Variants in RANBP2 observed in about 807,000 individuals in gnomAD.
The protein encoded by RANBP2 is RAN binding protein 2, also known as E3 SUMO-protein ligase RanBP2.
RANBP2 carries 57 observed loss-of-function variants against 303.6 expected under a neutral mutation model. The ratio of observed to expected loss-of-function variants is 0.19; its 90% CI spans 0.15 to 0.23. The LOEUF (loss-of-function observed/expected upper bound fraction) is 0.23. Ranked by LOEUF, RANBP2 falls within the 10% of genes least tolerant of loss-of-function variation. The probability of loss-of-function intolerance (pLI) is 1.00; values close to 1 mark genes in which losing one functional copy is unlikely to be tolerated. For synonymous variants in RANBP2, 1,167 were observed against 1,301.5 expected (o/e 0.90, Z 2.23); for missense variants, 3,138 against 3,780.8 (o/e 0.83, Z 4.46).
chr2:108,961,131 C>A, the RANBP2 span, among the ~76,000 whole-genome samples: 2 of 152,212 alleles, frequency 1.3e-5, no homozygotes, highest in African/African-American at 4.8e-5. Context: ...GCAGACCCTG[C>A]AGAGTGGCCC....
the RANBP2 span, among the ~76,000 whole-genome samples, chr2:109,064,455 C>A: frequency 2.8e-3 from 183 of 65,904 alleles, no homozygotes; most frequent in South Asian, 5.9e-3. Context: ...GACTCTGTCT[C>A]AAAAAAAAAA....
chr2:108,836,989 G>T, the RANBP2 span, among the ~76,000 whole-genome samples: 6 of 151,604 alleles, frequency 4.0e-5, no homozygotes, highest in Admixed American at 6.6e-5. Flanking sequence ...GACATATAAG[G>T]TCATGCCATC....
At chr2:109,562,268 T>C in the RANBP2 span, among the ~76,000 whole-genome samples, 1 of 151,812 alleles carries the variant, frequency 6.6e-6, no homozygotes, top group Non-Finnish European at 1.5e-5. Context: ...GTCTTAAGCA[T>C]GCTTCTCACC....
the RANBP2 span, among the ~76,000 whole-genome samples, chr2:109,691,571 C>T: frequency 6.6e-6 from 1 of 152,038 alleles, no homozygotes. Context: ...CTGCCAGCCT[C>T]CAAAAAGGGG....
At chr2:109,482,590 T>C in the RANBP2 span, among the ~76,000 whole-genome samples, 1 of 152,168 alleles carries the variant, frequency 6.6e-6, no homozygotes. Context: ...CCATGACCCC[T>C]AAGAGGGGGA....
In RANBP2 at chr2:108,766,392, A is replaced by G; in HGVS notation, c.5853A>G (p.Ala1951=). 6.2e-7 allele frequency: 1 copy of G among 1,612,024 alleles called. No homozygotes were observed. The highest frequency in any genetic ancestry group is 8.5e-7 in the Non-Finnish European group (1 of 1,179,842). Reference sequence around the variant, plus strand: ...GCACTTTTACATTTGCAGATCTTGCAAAATCAACTTCAGGAGAAGGATTTC... The same window carrying G: ...GCACTTTTACATTTGCAGATCTTGCGAAATCAACTTCAGGAGAAGGATTTC... ...TSSTFTFADL[A]KSTSGEGFQF... is the part of the protein sequence containing the mutation. The change falls in exon 20 of 29, where the codon GCA becomes GCG. Residue 1951 remains alanine, a synonymous_variant. Transcript: ENST00000283195.
the RANBP2 span, among the ~76,000 whole-genome samples, chr2:109,470,549 G>A: frequency 1.3e-5 from 2 of 152,184 alleles, no homozygotes; most frequent in African/African-American, 4.8e-5. Flanking sequence ...TTTGGGACAA[G>A]CCCTGGCTCA....
the RANBP2 span, among the ~76,000 whole-genome samples, chr2:109,013,868 C>T: frequency 6.6e-6 from 1 of 152,202 alleles, no homozygotes; most frequent in Non-Finnish European, 1.5e-5. Flanking sequence ...TGAACCACCA[C>T]ACCCGGCCCT....
chr2:109,739,518 T>A, the RANBP2 span, among the ~76,000 whole-genome samples: 1 of 152,236 alleles, frequency 6.6e-6, no homozygotes, highest in African/African-American at 2.4e-5. Context: ...ATTTCTTTTT[T>A]CAAATTATTT....
At chr2:109,666,782 C>T in the RANBP2 span, among the ~76,000 whole-genome samples, 3 of 152,174 alleles carry the variant, frequency 2.0e-5, no homozygotes, top group Non-Finnish European at 2.9e-5. Flanking sequence ...AAAAAATAAT[C>T]ACCTCAGTGG....
the RANBP2 span, among the ~76,000 whole-genome samples, chr2:109,324,492 T>A: frequency 6.6e-6 from 1 of 152,244 alleles, no homozygotes. Context: ...TCCTAGTGGA[T>A]GTGAAGTAGT....
the RANBP2 span, among the ~76,000 whole-genome samples, chr2:109,755,215 C>T: frequency 6.3e-5 from 8 of 127,932 alleles, no homozygotes; most frequent in Non-Finnish European, 1.2e-4. Context: ...GGGCCCAAGC[C>T]ACTTGTACTT....
the RANBP2 span, among the ~76,000 whole-genome samples, chr2:108,860,526 T>TA: frequency 2.0e-5 from 3 of 151,806 alleles, no homozygotes; most frequent in African/African-American, 4.8e-5. Flanking sequence ...TTTTTTTTTT[T>TA]ATCCTAAAGA....
chr2:109,659,393 A>C, the RANBP2 span, among the ~76,000 whole-genome samples: 9 of 152,290 alleles, frequency 5.9e-5, no homozygotes, highest in South Asian at 2.1e-4. Flanking sequence ...ACACAAAAAA[A>C]CAAAAAAAAC....
At chr2:109,075,015 G>A in the RANBP2 span, among the ~76,000 whole-genome samples, 1 of 87,384 alleles carries the variant, frequency 1.1e-5, no homozygotes, top group South Asian at 5.1e-4. Flanking sequence ...GACAGAGCGA[G>A]TCTCCATCTC....
the RANBP2 span, among the ~76,000 whole-genome samples, chr2:109,285,534 G>A: frequency 1.3e-5 from 2 of 152,186 alleles, no homozygotes; most frequent in African/African-American, 4.8e-5. Flanking sequence ...CAGGGCAATC[G>A]CTTGCCTGGC....
the RANBP2 span, among the ~76,000 whole-genome samples, chr2:109,366,482 A>G: frequency 6.8e-6 from 1 of 147,458 alleles, no homozygotes; most frequent in East Asian, 1.9e-4. Context: ...GTATGTGTGC[A>G]TATATACGTT....
the RANBP2 span, among the ~76,000 whole-genome samples, chr2:109,680,771 A>C: frequency 6.6e-6 from 1 of 152,142 alleles, no homozygotes; most frequent in Non-Finnish European, 1.5e-5. Flanking sequence ...TTTGCAAAAA[A>C]TTGTATTTAA....
chr2:109,715,647 A>T, the RANBP2 span, among the ~76,000 whole-genome samples: 1 of 152,166 alleles, frequency 6.6e-6, no homozygotes, highest in East Asian at 1.9e-4. Flanking sequence ...TGTAGGCTTC[A>T]TTACCCAGGC....
Sources: allele counts gnomAD v4.1 joint callset (sites outside exome capture counted in the v4.1 genomes callset), GRCh38; gene constraint gnomAD v4.1.1; transcripts MANE v1.5; gene names NCBI Gene and HGNC (gene_info 2026-07-23, HGNC 2026-07-21).